The following NEK7 variants were observed in gnomAD, a reference collection of about 807,000 sequenced individuals.
NEK7 encodes serine/threonine-protein kinase Nek7.
NEK7 carries 18 observed loss-of-function variants against 44.6 expected under a neutral mutation model. The observed-to-expected ratio is 0.40, with a 90% CI of 0.28 to 0.60. The LOEUF is 0.60. Among genes scored for constraint, NEK7 ranks in the 20% least tolerant of loss-of-function variants. The pLI is 0.38. For missense variants in NEK7, 256 were observed against 366.5 expected, an observed-to-expected ratio of 0.70 and a Z score of 2.46; for synonymous variants, 130 against 121.1, an observed-to-expected ratio of 1.07 and a Z score of -0.48.
intron 9 of NEK7, among the ~76,000 whole-genome samples, chr1:198,314,628 T>C (rs1485211486): frequency 6.6e-6 from 1 of 152,202 alleles, no homozygotes; most frequent in Non-Finnish European, 1.5e-5. Context: ...ATGTCGTTTC[T>C]GTTTGTTAGT....
chr1:198,274,898 C>T lies in NEK7; in HGVS notation c.373-3063C>T, dbSNP rs1653967876. On this transcript the variant is annotated intron_variant, in intron 5 of 9. Coordinates refer to ENST00000367385, the MANE Select transcript of NEK7 (RefSeq NM_133494.3). ...ATCTTTGAAAGGAGACAGCTTGGAT[C>T]AGCTATAGCCCTTTTTATATTAATA... Among the ~76,000 whole-genome samples the T allele has an allele frequency of 3.3e-5, 5 of 151,702 alleles. No homozygotes were observed. The South Asian group carries it at 8.3e-4, about 25-fold the overall frequency.
chr1:198,294,315 T>C lies in NEK7; in HGVS notation c.684+1276T>C, dbSNP rs565961960. On this transcript the variant is annotated intron_variant, in intron 8 of 9. Transcript: ENST00000367385. ...ACAAGAAATTACGCTCACTGTGTTA[T>C]ATTTTGTTAATAATTTGGTACAATC... Among the ~76,000 whole-genome samples the C allele has an allele frequency of 1.0e-3, 153 of 152,202 alleles. 2 individuals are homozygous for C. The highest frequency in any genetic ancestry group is 3.4e-3 in the Middle Eastern group (1 of 294).
intron 9 of NEK7, among the ~76,000 whole-genome samples, chr1:198,317,868 G>A (rs1655413462): frequency 1.0e-5 from 1 of 97,000 alleles, no homozygotes; most frequent in South Asian, 3.8e-4. Context: ...TGTATTACTG[G>A]ATATATTTAT....
intron 7 of NEK7, among the ~76,000 whole-genome samples, chr1:198,291,305 T>A (rs1654549163): frequency 6.6e-6 from 1 of 152,202 alleles, no homozygotes; most frequent in Non-Finnish European, 1.5e-5. Context: ...TGTTTATTAT[T>A]CCAACTGTAC....
At chr1:198,230,139 A>G (rs1014507962) in intron 1 of NEK7, among the ~76,000 whole-genome samples, 1 of 152,184 alleles carries the variant, frequency 6.6e-6, no homozygotes, top group Non-Finnish European at 1.5e-5. Context: ...ATGTTATTTC[A>G]TAGGGGTCTT....
chr1:198,242,685 A>C (rs1267962021), intron 2 of NEK7, among the ~76,000 whole-genome samples: 1 of 149,952 alleles, frequency 6.7e-6, no homozygotes, highest in African/African-American at 2.5e-5. Flanking sequence ...GATGGTCTCG[A>C]TCTCCTGACC....
chr1:198,188,193 T>C (rs1664974489), intron 1 of NEK7, among the ~76,000 whole-genome samples: 2 of 152,158 alleles, frequency 1.3e-5, no homozygotes, highest in Admixed American at 1.3e-4. Flanking sequence ...TTGTTGTTGT[T>C]TTGTTTAGGT....
intron 7 of NEK7, among the ~76,000 whole-genome samples, chr1:198,282,286 C>T (rs1257536716): frequency 1.3e-5 from 2 of 152,044 alleles, no homozygotes; most frequent in African/African-American, 2.4e-5. Context: ...CAAAATCCTC[C>T]TTGGTTCCTT....
intron 9 of NEK7, among the ~76,000 whole-genome samples, chr1:198,300,182 G>A (rs909390236): frequency 6.6e-6 from 1 of 152,260 alleles, no homozygotes; most frequent in East Asian, 1.9e-4. Flanking sequence ...GTCCTGGGTT[G>A]AAAAGATAGA....
At chr1:198,258,659 C>T (rs1040346776) in intron 3 of NEK7, among the ~76,000 whole-genome samples, 4 of 152,020 alleles carry the variant, frequency 2.6e-5, no homozygotes, top group African/African-American at 7.2e-5. Context: ...TTTAAGATGA[C>T]AAAAGAAAAC....
At chr1:198,290,631 T>G (rs530015505) in intron 7 of NEK7, among the ~76,000 whole-genome samples, 28 of 152,198 alleles carry the variant, frequency 1.8e-4, no homozygotes, top group Non-Finnish European at 3.1e-4. Flanking sequence ...TAGTGAATTA[T>G]GAATTTATCC....
chr1:198,272,209 A>G (rs535993855), intron 5 of NEK7, among the ~76,000 whole-genome samples: 1 of 151,894 alleles, frequency 6.6e-6, no homozygotes, highest in East Asian at 1.9e-4. Context: ...GTGAGCATAA[A>G]TAAAAGGTGA....
chr1:198,265,645 A>G (rs1001455848), intron 5 of NEK7, among the ~76,000 whole-genome samples: 2 of 152,080 alleles, frequency 1.3e-5, no homozygotes, highest in Non-Finnish European at 1.5e-5. Flanking sequence ...TTATTAATCA[A>G]TTGTTATAGA....
intron 9 of NEK7, among the ~76,000 whole-genome samples, chr1:198,312,879 T>C (rs896135522): frequency 3.3e-5 from 5 of 152,196 alleles, no homozygotes; most frequent in Non-Finnish European, 7.3e-5. Context: ...AATTTTGGAA[T>C]AGGTGTGGCG....
intron 1 of NEK7, among the ~76,000 whole-genome samples, chr1:198,188,924 A>G (rs1664992535): frequency 6.6e-6 from 1 of 152,140 alleles, no homozygotes; most frequent in Non-Finnish European, 1.5e-5. Flanking sequence ...TATATGTGAA[A>G]GTTGTGCAAC....
At chr1:198,251,764 C>G (rs1264180747) in intron 2 of NEK7, among the ~76,000 whole-genome samples, 3 of 151,876 alleles carry the variant, frequency 2.0e-5, no homozygotes, top group Admixed American at 2.0e-4. Context: ...ATTCTTCTCT[C>G]TTTTCTTCTT....
chr1:198,239,655 A>G (rs1220423222), intron 2 of NEK7, among the ~76,000 whole-genome samples: 1 of 152,116 alleles, frequency 6.6e-6, no homozygotes, highest in Non-Finnish European at 1.5e-5. Context: ...ATTTTATATC[A>G]GTGAATACTA....
intron 1 of NEK7, among the ~76,000 whole-genome samples, chr1:198,160,754 T>C (rs1558035998): frequency 6.6e-6 from 1 of 152,210 alleles, no homozygotes; most frequent in Non-Finnish European, 1.5e-5. Context: ...ATCAAATATA[T>C]GCATTTGTAT....
intron 7 of NEK7, among the ~76,000 whole-genome samples, chr1:198,288,004 T>G (rs542872799): frequency 2.0e-4 from 31 of 152,340 alleles, no homozygotes; most frequent in African/African-American, 7.2e-4. Context: ...CCAAGTGTGA[T>G]ATATCCTCTG....
Sources: allele counts gnomAD v4.1 joint callset (sites outside exome capture counted in the v4.1 genomes callset), GRCh38; gene constraint gnomAD v4.1.1; transcripts MANE v1.5; gene names NCBI Gene and HGNC (gene_info 2026-07-23, HGNC 2026-07-21).